LRRC20: variants seen among roughly 807,000 people sequenced by gnomAD.
LRRC20 encodes the protein leucine-rich repeat-containing protein 20.
A neutral mutation model predicts 14.4 loss-of-function variants in LRRC20; 11 were observed. The observed-to-expected ratio is 0.77, with a 90% CI of 0.48 to 1.27. LRRC20 has a LOEUF of 1.27. Among genes scored for constraint, LRRC20 ranks in the 50% most tolerant of loss-of-function variants. LRRC20 has a pLI of 0.00. For synonymous variants in LRRC20, 121 were observed against 107.3 expected, an observed-to-expected ratio of 1.13 and a Z score of -0.79; for missense variants, 219 against 251.2, an observed-to-expected ratio of 0.87 and a Z score of 0.87.
chr10:70,368,409 G>A (rs1173327303), intron 2 of LRRC20, among the ~76,000 whole-genome samples: 8 of 151,514 alleles, frequency 5.3e-5, no homozygotes, highest in African/African-American at 1.2e-4. Context: ...CGCCTGCCTC[G>A]GCCTCCTAAA....
At chr10:70,364,693 G>A (rs76552168) in intron 2 of LRRC20, among the ~76,000 whole-genome samples, 1,678 of 152,294 alleles carry the variant, frequency 0.011, 13 homozygotes, top group Non-Finnish European at 0.014. Flanking sequence ...GCCATCTGCT[G>A]GCTAGTACAG....
intron 4 of LRRC20, among the ~76,000 whole-genome samples, chr10:70,304,470 T>TTATATAGATATATATATATATATA (rs1554835659): frequency 1.8e-5 from 2 of 113,824 alleles, no homozygotes; most frequent in African/African-American, 6.0e-5. Flanking sequence ...GGCCACTTCT[T>TTATATAGATATATATATATATATA]TATATATATA....
chr10:70,335,022 G>C (rs1458414211), intron 3 of LRRC20, among the ~76,000 whole-genome samples: 1 of 152,188 alleles, frequency 6.6e-6, no homozygotes, highest in African/African-American at 2.4e-5. Flanking sequence ...CATGCACCCT[G>C]TGGGCTCACC....
chr10:70,322,084 C>T (rs1842103748), intron 4 of LRRC20, among the ~76,000 whole-genome samples: 1 of 151,952 alleles, frequency 6.6e-6, no homozygotes, highest in Non-Finnish European at 1.5e-5. Context: ...ACTTCTTGGA[C>T]TGCAGCCAAC....
chr10:70,310,149 T>A (rs1036656251), intron 4 of LRRC20, among the ~76,000 whole-genome samples: 4 of 152,080 alleles, frequency 2.6e-5, no homozygotes, highest in Non-Finnish European at 5.9e-5. Flanking sequence ...AACCAACACA[T>A]CAGAGCAGTC....
chr10:70,380,245 T>C (rs1013626363), intron 1 of LRRC20, among the ~76,000 whole-genome samples: 3 of 152,174 alleles, frequency 2.0e-5, no homozygotes, highest in East Asian at 3.8e-4. Context: ...GGCAATTCAG[T>C]AGGAAGAAGG....
At chr10:70,309,627 A>G (rs1406766943) in intron 4 of LRRC20, among the ~76,000 whole-genome samples, 1 of 152,252 alleles carries the variant, frequency 6.6e-6, no homozygotes, top group Non-Finnish European at 1.5e-5. Flanking sequence ...GGTGGCTCAG[A>G]GCTGCTGTCA....
In LRRC20 at chr10:70,301,315, G is replaced by A; in HGVS notation, c.*39C>T. The A allele has an allele frequency of 6.3e-7, 1 of 1,593,058 alleles. No individual in the cohort carries two copies. The highest frequency in any genetic ancestry group is 8.5e-7 in the Non-Finnish European group (1 of 1,169,716). On this transcript the variant is annotated 3_prime_UTR_variant, in exon 5 of 5. Coordinates refer to ENST00000446961, the MANE Select transcript of LRRC20 (RefSeq NM_001278212.2). Reference sequence around the variant, plus strand: ...CTCCCTTCCAGGGTTCCAGGCCTGTGGCCTCTGCCCCTTGCTGGGTGGGCA... The same window carrying A: ...CTCCCTTCCAGGGTTCCAGGCCTGTAGCCTCTGCCCCTTGCTGGGTGGGCA...
At chr10:70,347,230 G>A (rs1843105589) in intron 2 of LRRC20, among the ~76,000 whole-genome samples, 1 of 152,148 alleles carries the variant, frequency 6.6e-6, no homozygotes, top group Admixed American at 6.6e-5. Context: ...TCGTCAGTGA[G>A]GGAAATAGGG....
At chr10:70,364,257 T>TCACC (rs1188376392) in intron 2 of LRRC20, among the ~76,000 whole-genome samples, 1 of 152,064 alleles carries the variant, frequency 6.6e-6, no homozygotes, top group African/African-American at 2.4e-5. Context: ...AGGGCCAAGA[T>TCACC]CACCACCCCA....
At chr10:70,367,598 C>T (rs1382413572) in intron 2 of LRRC20, among the ~76,000 whole-genome samples, 3 of 152,078 alleles carry the variant, frequency 2.0e-5, no homozygotes, top group Non-Finnish European at 4.4e-5. Flanking sequence ...AAGCCAGGCT[C>T]AAGAGCTTAT....
chr10:70,308,237 C>G (rs765589067), intron 4 of LRRC20, among the ~76,000 whole-genome samples: 5 of 152,180 alleles, frequency 3.3e-5, no homozygotes, highest in African/African-American at 4.8e-5. Context: ...CAGATCATGG[C>G]AGAGAGACCA....
chr10:70,311,930 C>A (rs1274715822), intron 4 of LRRC20, among the ~76,000 whole-genome samples: 1 of 152,146 alleles, frequency 6.6e-6, no homozygotes, highest in Non-Finnish European at 1.5e-5. Flanking sequence ...TCAGCTTGCC[C>A]CCGTCTCACT....
rs1363320464 is a variant in LRRC20 at position 70,376,437 on chromosome 10, C to T, written c.82+15G>A. 1 of 1,613,882 alleles carries T rather than the reference C, an allele frequency of 6.2e-7. No individual in the cohort carries two copies. Among genetic ancestry groups the T allele is most frequent in the East Asian group, 2.2e-5 (1 of 44,884 alleles). On this transcript the variant is annotated intron_variant, in intron 2 of 4. Coordinates refer to ENST00000446961, the MANE Select transcript of LRRC20 (RefSeq NM_001278212.2). ...TGCTTCCAGGGAAGTTGGGAAAAGC[C>T]CTGCCCTCACTCACCCAGAGTGTCA...
intron 2 of LRRC20, among the ~76,000 whole-genome samples, chr10:70,355,863 C>G (rs10823527): frequency 0.14 from 20,493 of 147,958 alleles, 1,805 homozygotes; most frequent in African/African-American, 0.26. Flanking sequence ...AGCAGCCGCA[C>G]GCTCAGAGGG....
chr10:70,316,107 T>C (rs1420219641), intron 4 of LRRC20, among the ~76,000 whole-genome samples: 2 of 152,120 alleles, frequency 1.3e-5, no homozygotes, highest in African/African-American at 4.8e-5. Context: ...AAGCCTTTTG[T>C]TGCGTTTTAT....
chr10:70,324,271 A>G lies in LRRC20; in HGVS notation c.233-241T>C, dbSNP rs117797799. 8.1e-3 allele frequency among the ~76,000 whole-genome samples: 1,240 copies of G among 152,288 alleles called. 12 individuals carry two copies. Among genetic ancestry groups the G allele is most frequent in the Middle Eastern group, 0.02 (6 of 294 alleles). On this transcript the variant is annotated intron_variant, in intron 3 of 4. Coordinates refer to ENST00000446961, the MANE Select transcript of LRRC20 (RefSeq NM_001278212.2). ...CTCCAGCTGAGGCTGCCTGCTGCTGACTTTGGAATGGAAGGCTCTCCCAGC... is the reference window on the plus strand; with the variant it reads ...CTCCAGCTGAGGCTGCCTGCTGCTGGCTTTGGAATGGAAGGCTCTCCCAGC...
intron 2 of LRRC20, among the ~76,000 whole-genome samples, chr10:70,374,747 C>T (rs148614267): frequency 2.1e-3 from 314 of 152,284 alleles, no homozygotes; most frequent in Non-Finnish European, 3.5e-3. Flanking sequence ...CCAGCACAGA[C>T]GTGGCTGGCT....
At chr10:70,371,741 A>T (rs1196467238) in intron 2 of LRRC20, among the ~76,000 whole-genome samples, 2 of 152,076 alleles carry the variant, frequency 1.3e-5, no homozygotes, top group Non-Finnish European at 2.9e-5. Context: ...GATGCTGAGG[A>T]GGGGTGAGAG....
Sources: allele counts gnomAD v4.1 joint callset (sites outside exome capture counted in the v4.1 genomes callset), GRCh38; gene constraint gnomAD v4.1.1; transcripts MANE v1.5; gene names NCBI Gene and HGNC (gene_info 2026-07-23, HGNC 2026-07-21).